Variants in GLG1 observed in about 807,000 individuals in gnomAD.
GLG1 encodes the protein golgi glycoprotein 1.
In GLG1, 38 loss-of-function variants were observed where a neutral mutation model predicts 160.5. That is an observed-to-expected ratio of 0.24 (90% CI 0.18 to 0.31). The LOEUF (loss-of-function observed/expected upper bound fraction) is 0.31, where lower values mean the gene tolerates loss of function less well. Ranked by LOEUF, GLG1 falls within the 10% of genes least tolerant of loss-of-function variation. GLG1 has a pLI of 1.00. For missense variants in GLG1, 1,373 were observed against 1,505.2 expected (o/e 0.91, Z 1.45); for synonymous variants, 644 against 543.4 (o/e 1.19, Z -2.57).
intron 1 of GLG1, among the ~76,000 whole-genome samples, chr16:74,594,927 G>A (rs1348109765): frequency 5.3e-5 from 8 of 152,134 alleles, no homozygotes; most frequent in Admixed American, 3.3e-4. Flanking sequence ...GGTGGCTCAC[G>A]CCTGTAATCC....
chr16:74,567,714 G>A (rs926828207), intron 1 of GLG1, among the ~76,000 whole-genome samples: 4 of 151,210 alleles, frequency 2.6e-5, no homozygotes, highest in East Asian at 1.9e-4. Flanking sequence ...GACTACAGGC[G>A]CCCGCCACCG....
chr16:74,587,640 G>A (rs919531573), intron 1 of GLG1, among the ~76,000 whole-genome samples: 1 of 152,186 alleles, frequency 6.6e-6, no homozygotes, highest in Non-Finnish European at 1.5e-5. Flanking sequence ...AGGCCGAAGT[G>A]GGCGATCACG....
intron 19 of GLG1, among the ~76,000 whole-genome samples, chr16:74,465,185 C>T (rs1423990588): frequency 3.3e-5 from 5 of 152,178 alleles, no homozygotes; most frequent in African/African-American, 1.2e-4. Context: ...GAACTGACAT[C>T]TAGGTACTCA....
chr16:74,529,764 A>G (rs1362375730), intron 2 of GLG1, among the ~76,000 whole-genome samples: 1 of 117,752 alleles, frequency 8.5e-6, no homozygotes, highest in African/African-American at 3.3e-5. Context: ...TTTGTCCCCC[A>G]TTTTCAGCAG....
chr16:74,550,587 TTTAAA>T (rs1230668886), intron 1 of GLG1, among the ~76,000 whole-genome samples: 1 of 152,360 alleles, frequency 6.6e-6, no homozygotes, highest in African/African-American at 2.4e-5. Context: ...AACATAATTT[TTTAAA>T]TTAAAGAGTA....
chr16:74,502,684 C>T (rs958173026), intron 4 of GLG1, among the ~76,000 whole-genome samples: 7 of 150,226 alleles, frequency 4.7e-5, no homozygotes, highest in African/African-American at 1.2e-4. Flanking sequence ...GCTGGGACTA[C>T]AGACACCTGC....
rs764960339 is a variant in GLG1, at chr16:74,493,157, G to C, written c.1051-17C>G. The stretch of plus-strand genomic sequence containing the variant: ...TTCTCGACACTGAGGAAAGAGTACA[G>C]CAACAGCCGTGAGACCACTCATGTA... On this transcript the variant is annotated splice_polypyrimidine_tract_variant and intron_variant, in intron 6 of 25. Coordinates refer to ENST00000422840, the MANE Select transcript of GLG1 (RefSeq NM_001145667.2). 4.4e-6 allele frequency: 7 copies of C among 1,584,216 alleles called. No individual in the cohort carries two copies. In the East Asian group the frequency reaches 1.4e-4, roughly 31 times the overall value.
chr16:74,589,247 T>A (rs1473136354), intron 1 of GLG1, among the ~76,000 whole-genome samples: 1 of 117,778 alleles, frequency 8.5e-6, no homozygotes, highest in African/African-American at 3.6e-5. Flanking sequence ...AGAGTGAAAC[T>A]CTCTGTCTCA....
intron 1 of GLG1, among the ~76,000 whole-genome samples, chr16:74,571,055 G>C (rs2018812448): frequency 6.6e-6 from 1 of 151,794 alleles, no homozygotes; most frequent in African/African-American, 2.4e-5. Flanking sequence ...TAGCAAATGT[G>C]ACATCAGAGG....
chr16:74,516,298 G>C (rs1455554994), intron 2 of GLG1, among the ~76,000 whole-genome samples: 6 of 151,582 alleles, frequency 4.0e-5, no homozygotes, highest in Non-Finnish European at 8.8e-5. Flanking sequence ...TGACCACATA[G>C]TTGGAAGTAA....
At chr16:74,500,094 G>T (rs914661976) in intron 4 of GLG1, among the ~76,000 whole-genome samples, 5 of 151,894 alleles carry the variant, frequency 3.3e-5, no homozygotes, top group African/African-American at 4.8e-5. Context: ...TTCAAATAAG[G>T]GTATTTCAGG....
chr16:74,495,598 G>A (rs998704256), intron 5 of GLG1, among the ~76,000 whole-genome samples: 3 of 152,186 alleles, frequency 2.0e-5, no homozygotes, highest in Non-Finnish European at 2.9e-5. Flanking sequence ...CTGTTCTGTA[G>A]AGTCAGCAGG....
At chr16:74,551,510 G>A (rs2018198815) in intron 1 of GLG1, among the ~76,000 whole-genome samples, 8 of 147,646 alleles carry the variant, frequency 5.4e-5, no homozygotes, top group Admixed American at 4.1e-4. Flanking sequence ...AGAGACGGGC[G>A]TCTTGCCATG....
At position 74,570,947 on chromosome 16, in the gene GLG1, T is replaced by G. The variant is rs911763620; in HGVS notation, c.438+35710A>C. ...ATTATAATTCCTTCACTCTTTGTGT[T>G]TTTTTGGTCTTTTTTTTTTTTTAAC... On this transcript the variant is annotated intron_variant, in intron 1 of 25. Transcript: ENST00000422840. Among the ~76,000 whole-genome samples the G allele has an allele frequency of 1.3e-4, 20 of 151,890 alleles. 1 individual carries two copies. Among genetic ancestry groups the G allele is most frequent in the Non-Finnish European group, 1.5e-5 (1 of 67,930 alleles).
At chr16:74,481,786 A>G (rs1470306969) in intron 10 of GLG1, among the ~76,000 whole-genome samples, 3 of 151,834 alleles carry the variant, frequency 2.0e-5, no homozygotes, top group African/African-American at 7.3e-5. Context: ...GGCTCAAGTG[A>G]ATCTCCTTTT....
intron 1 of GLG1, among the ~76,000 whole-genome samples, chr16:74,546,090 T>A (rs1008510208): frequency 6.6e-6 from 1 of 152,174 alleles, no homozygotes; most frequent in Non-Finnish European, 1.5e-5. Context: ...TACCATAGTA[T>A]CTTTGAAATC....
intron 4 of GLG1, among the ~76,000 whole-genome samples, chr16:74,498,336 G>A (rs1887192137): frequency 6.8e-6 from 1 of 147,722 alleles, no homozygotes; most frequent in African/African-American, 2.5e-5. Context: ...GGAAGCTGAG[G>A]AAGGAGAATC....
intron 12 of GLG1, among the ~76,000 whole-genome samples, chr16:74,476,410 G>C (rs2015391961): frequency 6.6e-6 from 1 of 152,116 alleles, no homozygotes; most frequent in African/African-American, 2.4e-5. Flanking sequence ...ACAGACTGCT[G>C]AACATGATAG....
chr16:74,466,008 A>G (rs1272813498), intron 18 of GLG1, among the ~76,000 whole-genome samples, 195 bp from the exon 19 acceptor site: 2 of 152,204 alleles, frequency 1.3e-5, no homozygotes, highest in Non-Finnish European at 2.9e-5. Context: ...CAACTAGACA[A>G]AAACTCAGGA....
Sources: gnomAD v4.1 joint callset for allele counts (sites outside exome capture counted in the v4.1 genomes callset) on GRCh38, gnomAD v4.1.1 for gene constraint, MANE v1.5 for transcripts, NCBI Gene and HGNC (gene_info 2026-07-23, HGNC 2026-07-21) for gene names.